SOAT1: variants seen among roughly 807,000 people sequenced by gnomAD.
The protein encoded by SOAT1 is acyl-coenzyme A:cholesterol acyltransferase 1.
A neutral mutation model predicts 69.5 loss-of-function variants in SOAT1; 55 were observed. That is an observed-to-expected ratio of 0.79 (90% CI 0.64 to 0.99). The LOEUF (loss-of-function observed/expected upper bound fraction) is 0.99. SOAT1 is among the 50% of genes least tolerant of loss of function. The pLI, the probability that SOAT1 is intolerant of heterozygous loss-of-function variation, is 0.00. For missense variants in SOAT1, 580 were observed against 669.3 expected, an observed-to-expected ratio of 0.87 and a Z score of 1.47; for synonymous variants, 231 against 224.7, an observed-to-expected ratio of 1.03 and a Z score of -0.25.
intron 15 of SOAT1, among the ~76,000 whole-genome samples, chr1:179,353,229 T>TTTTATATATATA (rs1666808437): frequency 7.1e-5 from 1 of 14,010 alleles, no homozygotes; most frequent in African/African-American, 2.4e-4. Flanking sequence ...ATATATCTAT[T>TTTTATATATATA]TGTCGTCCTT....
Position 179,357,087 on chromosome 1 carries a change from A to G in SOAT1, c.*3446A>G, listed in dbSNP as rs1457610929. On this transcript the variant is annotated 3_prime_UTR_variant, in exon 16 of 16. Transcript: ENST00000367619. ...TAACAATGCTACATATGGTATGTAT[A>G]CATACACTGTATACACACAAAGGTC... 6.6e-6 allele frequency: 1 copy of G among 152,272 alleles called. No individual in the cohort carries two copies. Among genetic ancestry groups the G allele is most frequent in the East Asian group, 1.9e-4 (1 of 5,198 alleles). 9.4% of individuals were successfully genotyped at this position (152,272 alleles called of 1,614,324 possible).
chr1:179,339,467 C>G lies in SOAT1; in HGVS notation c.419C>G (p.Thr140Arg). 6.2e-7 allele frequency: 1 copy of G among 1,612,420 alleles called. No homozygotes were observed. The change falls in exon 6 of 16, where the codon ACA (threonine) becomes AGA (arginine). Residue 140 changes from threonine (T) to arginine (R), a missense_variant. By Grantham distance (71) the Thr-to-Arg change is moderately conservative. Transcript: ENST00000367619. ...CTGCTTGAAGTGGACCACATCAGAA[C>G]AATATATCACATGTTTATTGCCCTC... ...DELLEVDHIR[T>R]IYHMFIALLI...
intron 1 of SOAT1, among the ~76,000 whole-genome samples, chr1:179,302,439 T>G (rs11589635): frequency 0.28 from 42,915 of 151,912 alleles, 6,310 homozygotes; most frequent in East Asian, 0.46. Flanking sequence ...GGAGTTCTCA[T>G]GAGAGCTGAT....
At chr1:179,351,010 T>G (rs1666704426) in intron 14 of SOAT1, among the ~76,000 whole-genome samples, 1 of 150,236 alleles carries the variant, frequency 6.7e-6, no homozygotes. Flanking sequence ...TTGATACCTG[T>G]ATATTTCTTT....
intron 2 of SOAT1, among the ~76,000 whole-genome samples, chr1:179,319,267 CTTT>C (rs542647494): frequency 8.0e-6 from 1 of 125,188 alleles, no homozygotes; most frequent in Non-Finnish European, 1.6e-5. Context: ...GTTACTTTGC[CTTT>C]TTTTTTTTTT....
rs1382664228 is a variant in SOAT1 at position 179,351,383 on chromosome 1, C to G, written c.1517C>G (p.Ser506Cys). The G allele has an allele frequency of 2.5e-6, 4 of 1,614,044 alleles. No homozygotes were observed. Among genetic ancestry groups the G allele is most frequent in the Middle Eastern group, 1.6e-4 (1 of 6,062 alleles). Residue 506 changes from serine to cysteine, a missense_variant, in exon 15 of 16, where the codon TCT (serine) becomes TGT (cysteine). Coordinates refer to ENST00000367619, the MANE Select transcript of SOAT1 (RefSeq NM_003101.6). ...ATTTGGAATGTTCTGATGTGGACTT[C>G]TCTTTTCTTGGGCAATGGAGTCTTA... ...KPIWNVLMWT[S>C]LFLGNGVLLC... is the part of the protein sequence containing the mutation.
intron 15 of SOAT1, 58 bp from the exon 16 acceptor site, chr1:179,353,527 A>C: frequency 6.9e-7 from 1 of 1,454,606 alleles, no homozygotes; most frequent in Non-Finnish European, 9.6e-7. Context: ...GCCTATCTCC[A>C]CACCTCCTCT....
chr1:179,320,173 T>G (rs1384252309), intron 2 of SOAT1, among the ~76,000 whole-genome samples: 2 of 152,132 alleles, frequency 1.3e-5, no homozygotes, highest in Non-Finnish European at 2.9e-5. Flanking sequence ...TCTTCTATAT[T>G]TTTAGGTATT....
intron 11 of SOAT1, among the ~76,000 whole-genome samples, chr1:179,345,555 A>G (rs1571454015): frequency 6.7e-6 from 1 of 148,468 alleles, no homozygotes; most frequent in Non-Finnish European, 1.5e-5. Context: ...CTCTCTTGTC[A>G]CTGTTTTCTT....
intron 2 of SOAT1, among the ~76,000 whole-genome samples, chr1:179,306,540 G>A (rs1665009961): frequency 1.3e-5 from 2 of 152,038 alleles, no homozygotes; most frequent in Non-Finnish European, 2.9e-5. Flanking sequence ...GTTAAAAGTA[G>A]CACCACCAAA....
chr1:179,323,577 C>T (rs1283106485), intron 3 of SOAT1, 82 bp downstream of exon 3: 9 of 1,121,326 alleles, frequency 8.0e-6, no homozygotes, highest in Admixed American at 2.0e-5. Context: ...TGCTAAATTG[C>T]TCAGATAATT....
At chr1:179,349,191 C>T (rs560512318) in intron 13 of SOAT1, among the ~76,000 whole-genome samples, 4 of 152,038 alleles carry the variant, frequency 2.6e-5, no homozygotes, top group Non-Finnish European at 5.9e-5. Context: ...TCTTACATAA[C>T]AAAGTAAGAA....
At chr1:179,315,051 C>T (rs769646709) in intron 2 of SOAT1, among the ~76,000 whole-genome samples, 5 of 152,104 alleles carry the variant, frequency 3.3e-5, no homozygotes, top group Admixed American at 6.5e-5. Flanking sequence ...CAAATGATTC[C>T]GAAATTACAT....
intron 1 of SOAT1, among the ~76,000 whole-genome samples, chr1:179,301,871 CTG>C (rs1179782884): frequency 1.3e-5 from 2 of 152,194 alleles, no homozygotes; most frequent in Non-Finnish European, 2.9e-5. Flanking sequence ...TCCTTCAAGA[CTG>C]TGTCTAAAAT....
chr1:179,304,645 T>A (rs1272270516), intron 2 of SOAT1, among the ~76,000 whole-genome samples: 1 of 151,996 alleles, frequency 6.6e-6, no homozygotes, highest in African/African-American at 2.4e-5. Context: ...TCCCCTTCTC[T>A]TCCTTTTTCC....
rs149858295 is a variant in SOAT1 at position 179,353,632 on chromosome 1, C to T, written c.1644C>T (p.Tyr548=). The part of the protein sequence containing the change: ...YVRPRSWTCR[Y]VF The stretch of plus-strand genomic sequence containing the variant: ...GGCCACGTTCCTGGACTTGTCGTTA[C>T]GTGTTTTAGAAGCTTGGACTTTGTT... Residue 548 remains tyrosine, a synonymous_variant, in exon 16 of 16, where the codon TAC becomes TAT. Transcript: ENST00000367619. The T allele has an allele frequency of 3.0e-4, 488 of 1,613,446 alleles. No individual in the cohort carries two copies. Among genetic ancestry groups the T allele is most frequent in the African/African-American group, 1.4e-3 (102 of 75,016 alleles).
At chr1:179,353,232 TCGTC>T (rs2125008539) in intron 15 of SOAT1, among the ~76,000 whole-genome samples, 1 of 76,722 alleles carries the variant, frequency 1.3e-5, no homozygotes, top group Non-Finnish European at 2.8e-5. Context: ...TATCTATTTG[TCGTC>T]CTTAACCACC....
chr1:179,314,005 A>G lies in SOAT1; in HGVS notation c.119-9432A>G, dbSNP rs1277769635. On this transcript the variant is annotated intron_variant, in intron 2 of 15. Coordinates refer to ENST00000367619, the MANE Select transcript of SOAT1 (RefSeq NM_003101.6). ...TACAATATTGTCAAGAAAAGAGAGCATGGCATTAAGAGGCATCTGACTGAG... is the reference window on the plus strand; with the variant it reads ...TACAATATTGTCAAGAAAAGAGAGCGTGGCATTAAGAGGCATCTGACTGAG... Among the ~76,000 whole-genome samples the G allele has an allele frequency of 2.0e-5, 3 of 152,250 alleles. No individual in the cohort carries two copies. The East Asian group carries it at 5.8e-4, about 29-fold the overall frequency.
At position 179,335,608 on chromosome 1, in the gene SOAT1, C is replaced by G. The variant is rs1454411531; in HGVS notation, c.280C>G (p.Leu94Val). ...SASLDNGGCA[L>V]TTFSVLEGEK... Reference sequence around the variant, plus strand: ...ATCATTAGATAATGGTGGGTGCGCTCTCACAACCTTTTCTGTTCTTGAAGG... The same window carrying G: ...ATCATTAGATAATGGTGGGTGCGCTGTCACAACCTTTTCTGTTCTTGAAGG... Residue 94 changes from leucine (L) to valine (V), a missense_variant, in exon 4 of 16, where the codon CTC becomes GTC. Coordinates refer to ENST00000367619, the MANE Select transcript of SOAT1 (RefSeq NM_003101.6). 3.7e-6 allele frequency: 6 copies of G among 1,613,960 alleles called. No individual in the cohort carries two copies. Among genetic ancestry groups the G allele is most frequent in the Admixed American group, 1.7e-5 (1 of 60,014 alleles).
Sources: gnomAD v4.1 joint callset for allele counts (sites outside exome capture counted in the v4.1 genomes callset) on GRCh38, gnomAD v4.1.1 for gene constraint, MANE v1.5 for transcripts, NCBI Gene and HGNC (gene_info 2026-07-23, HGNC 2026-07-21) for gene names.